DNAH11: variants seen among roughly 807,000 people sequenced by gnomAD.
The protein encoded by DNAH11 is dynein axonemal heavy chain 11, also known as axonemal beta dynein heavy chain 11.
DNAH11 carries 442 observed loss-of-function variants against 526.0 expected under a neutral mutation model. That is an observed-to-expected ratio of 0.84 (90% CI 0.78 to 0.91). The LOEUF is 0.91. Among genes scored for constraint, DNAH11 ranks in the 40% least tolerant of loss-of-function variants. The pLI, the probability that DNAH11 is intolerant of heterozygous loss-of-function variation, is 0.00. For synonymous variants in DNAH11, 2,461 were observed against 1,935.9 expected (o/e 1.27, Z -7.12); for missense variants, 6,989 against 5,448.7 (o/e 1.28, Z -8.90).
At position 21,746,594 on chromosome 7, in the gene DNAH11, C is replaced by A. The variant is rs550987069; in HGVS notation, c.8510+1531C>A. Among the ~76,000 whole-genome samples, 5 of 152,156 alleles carry A rather than the reference C, an allele frequency of 3.3e-5. No individual in the cohort carries two copies. The South Asian group carries it at 8.3e-4, about 25-fold the overall frequency. ...CTCTAGCCTAAGCAACAGAGTGAGA[C>A]CCTGTCTCTCAAAAATAAAAGACAA... is the stretch of plus-strand genomic sequence containing the variant. On this transcript the variant is annotated intron_variant, in intron 51 of 81. Coordinates refer to ENST00000409508, the MANE Select transcript of DNAH11 (RefSeq NM_001277115.2).
chr7:21,589,188 G>A lies in DNAH11; in HGVS notation c.1974-20G>A, dbSNP rs886038460. 1 of 1,577,302 alleles carries A rather than the reference G, an allele frequency of 6.3e-7. No individual in the cohort carries two copies. The highest frequency in any genetic ancestry group is 1.2e-5 in the South Asian group (1 of 82,876). On this transcript the variant is annotated intron_variant, in intron 11 of 81. Coordinates refer to ENST00000409508, the MANE Select transcript of DNAH11 (RefSeq NM_001277115.2). ...TATCTAATATACGTATAAACCAGTAGAAAAACCTTATTCCTACAGATTTTT... is the reference window on the plus strand; with the variant it reads ...TATCTAATATACGTATAAACCAGTAAAAAAACCTTATTCCTACAGATTTTT...
At position 21,566,662 on chromosome 7, in the gene DNAH11, A is replaced by C. The variant is rs958739626; in HGVS notation, c.1194+2265A>C. Among the ~76,000 whole-genome samples the C allele has an allele frequency of 5.9e-5, 9 of 151,856 alleles. 1 individual carries two copies. The highest frequency in any genetic ancestry group is 5.3e-4 in the Admixed American group (8 of 15,222). On this transcript the variant is annotated intron_variant, in intron 6 of 81. Coordinates refer to ENST00000409508, the MANE Select transcript of DNAH11 (RefSeq NM_001277115.2). ...AAGTAACTCTCCAACCCAGCAAGTC[A>C]GTAATAGAGTTCTCACCCGTTATAC...
chr7:21,784,687 AC>A, intron 58 of DNAH11, 147 bp downstream of exon 58: 1 of 584,760 alleles, frequency 1.7e-6, no homozygotes, highest in South Asian at 3.2e-5. Context: ...TAAAGTTGAA[AC>A]AAACCATTGA....
rs1290546553 is a variant in DNAH11 at position 21,717,841 on chromosome 7, T to A, written c.7050T>A (p.Phe2350Leu). The A allele has an allele frequency of 6.2e-7, 1 of 1,613,918 alleles. No individual in the cohort carries two copies. Residue 2350 changes from phenylalanine (F) to leucine (L), a missense_variant, in exon 43 of 82, where the codon TTT (phenylalanine) becomes TTA (leucine). Physicochemically the swap from Phe to Leu is conservative, Grantham distance 22. Coordinates refer to ENST00000409508, the MANE Select transcript of DNAH11 (RefSeq NM_001277115.2). Reference sequence around the variant, plus strand: ...AAAAGGCCAATTTGACTATTCTTTTTGATAAATATGTCCCTGCATGCTTGG... The same window carrying A: ...AAAAGGCCAATTTGACTATTCTTTTAGATAAATATGTCCCTGCATGCTTGG... ...QSEKANLTIL[F>L]DKYVPACLDK... is the part of the protein sequence containing the mutation.
intron 25 of DNAH11, among the ~76,000 whole-genome samples, chr7:21,628,325 A>G (rs1046248033): frequency 6.6e-6 from 1 of 152,106 alleles, no homozygotes. Context: ...TTCTAATACT[A>G]TATTGAATAC....
intron 8 of DNAH11, among the ~76,000 whole-genome samples, chr7:21,576,292 G>A (rs1302912467): frequency 1.3e-5 from 2 of 152,196 alleles, no homozygotes; most frequent in East Asian, 1.9e-4. Context: ...TGCCTGAAAG[G>A]CCTCAGCAAG....
intron 70 of DNAH11, among the ~76,000 whole-genome samples, 181 bp from the exon 71 acceptor site, chr7:21,866,289 A>G (rs561119746): frequency 4.8e-5 from 7 of 146,428 alleles, no homozygotes; most frequent in Admixed American, 7.1e-5. Flanking sequence ...ACTCAGCTCA[A>G]GTGTCCTTTG....
At chr7:21,880,051 C>G (rs1783856870) in intron 74 of DNAH11, among the ~76,000 whole-genome samples, 1 of 143,258 alleles carries the variant, frequency 7.0e-6, no homozygotes, top group Non-Finnish European at 1.5e-5. Context: ...TGCCACTGCA[C>G]TGCAGCCTGG....
intron 18 of DNAH11, among the ~76,000 whole-genome samples, chr7:21,606,063 C>A (rs1021687638): frequency 1.3e-5 from 2 of 152,156 alleles, no homozygotes; most frequent in African/African-American, 4.8e-5. Flanking sequence ...GTGGCTCATG[C>A]CTGTAATCCC....
At position 21,545,010 on chromosome 7, in the gene DNAH11, C is replaced by T; in HGVS notation, c.356C>T (p.Pro119Leu). Residue 119 changes from proline (P) to leucine (L), a missense_variant, in exon 2 of 82, where the codon CCA becomes CTA. Transcript: ENST00000409508. ...ATTATCTTGCTCTTGTTTTAGATTC[C>T]AAGAGATGCAAACCATAAACTTGTT... ...SGRLAASQEI[P>L]RDANHKLVFI... The T allele has an allele frequency of 6.3e-7, 1 of 1,578,142 alleles. No homozygotes were observed.
intron 56 of DNAH11, among the ~76,000 whole-genome samples, chr7:21,776,852 G>A (rs1398023564): frequency 6.6e-6 from 1 of 152,124 alleles, no homozygotes; most frequent in Admixed American, 6.5e-5. Flanking sequence ...GTAGCATCCT[G>A]CATAACTAGT....
chr7:21,822,222 G>A (rs1790084497), intron 65 of DNAH11, among the ~76,000 whole-genome samples: 1 of 152,134 alleles, frequency 6.6e-6, no homozygotes, highest in African/African-American at 2.4e-5. Flanking sequence ...AAGAAGCACA[G>A]TGCCAGCATC....
At chr7:21,661,326 T>C (rs1285204261) in intron 30 of DNAH11, among the ~76,000 whole-genome samples, 2 of 152,066 alleles carry the variant, frequency 1.3e-5, no homozygotes, top group African/African-American at 2.4e-5. Context: ...CTTCTTTCTA[T>C]AGAATATATT....
intron 25 of DNAH11, among the ~76,000 whole-genome samples, chr7:21,626,792 C>A (rs538967621): frequency 4.1e-4 from 56 of 137,746 alleles, no homozygotes; most frequent in Non-Finnish European, 6.5e-4. Flanking sequence ...CATCTGTCAC[C>A]CAGGCTGGAG....
intron 34 of DNAH11, among the ~76,000 whole-genome samples, chr7:21,689,771 C>G (rs1783531582): frequency 6.6e-6 from 1 of 152,212 alleles, no homozygotes; most frequent in Non-Finnish European, 1.5e-5. Context: ...TCTGTGTTTT[C>G]TCTTTCATGA....
In DNAH11 at chr7:21,601,593, C is replaced by T; in HGVS notation, c.3623C>T (p.Pro1208Leu). Residue 1208 changes from proline to leucine, a missense_variant, in exon 18 of 82, where the codon CCT becomes CTT. Coordinates refer to ENST00000409508, the MANE Select transcript of DNAH11 (RefSeq NM_001277115.2). Reference sequence around the variant, plus strand: ...TTGGAAAGCTATGGCCAGAAGATGCCTGAGCAGGTCTATATTCAGCTAGAG... The same window carrying T: ...TTGGAAAGCTATGGCCAGAAGATGCTTGAGCAGGTCTATATTCAGCTAGAG... ...TLLESYGQKM[P>L]EQVYIQLEEL... The T allele has an allele frequency of 6.3e-7, 1 of 1,592,816 alleles. No individual in the cohort carries two copies.
intron 74 of DNAH11, among the ~76,000 whole-genome samples, chr7:21,876,299 C>G (rs1405468418): frequency 6.6e-6 from 1 of 152,186 alleles, no homozygotes; most frequent in East Asian, 1.9e-4. Flanking sequence ...ATCTTCTCAT[C>G]AAACCTATCT....
chr7:21,858,915 G>A (rs758153996), intron 68 of DNAH11, among the ~76,000 whole-genome samples: 2 of 152,176 alleles, frequency 1.3e-5, no homozygotes, highest in Non-Finnish European at 2.9e-5. Context: ...TATCAGGTTA[G>A]TACAGATTGA....
In DNAH11 at chr7:21,739,773, C is replaced by G. The variant is rs777131406; in HGVS notation, c.7914+100C>G. ...ATGGGACATCTTGTTAAGCACGTTT[C>G]TCATGGCAGCTGTACTATATTTTAT... On this transcript the variant is annotated intron_variant, in intron 48 of 81. Coordinates refer to ENST00000409508, the MANE Select transcript of DNAH11 (RefSeq NM_001277115.2). The G allele has an allele frequency of 1.6e-5, 14 of 851,538 alleles. No individual in the cohort carries two copies. The African/African-American group carries it at 2.1e-4, about 13-fold the overall frequency. 52.7% of individuals were successfully genotyped at this position (851,538 alleles called of 1,614,324 possible).
Sources: allele counts gnomAD v4.1 joint callset (sites outside exome capture counted in the v4.1 genomes callset), GRCh38; gene constraint gnomAD v4.1.1; transcripts MANE v1.5; gene names NCBI Gene and HGNC (gene_info 2026-07-23, HGNC 2026-07-21).